The following CDH13 variants were observed in gnomAD, a reference collection of about 807,000 sequenced individuals.
CDH13 encodes the protein cadherin 13, also known as cadherin-13.
Under a neutral mutation model 63.8 loss-of-function variants are expected in CDH13, and 24 were observed. The observed-to-expected ratio is 0.38, with a 90% CI of 0.27 to 0.53. CDH13 has a LOEUF of 0.53. Among genes scored for constraint, CDH13 ranks in the 20% least tolerant of loss-of-function variants. The pLI is 0.85. For synonymous variants in CDH13, 503 were observed against 355.3 expected, an observed-to-expected ratio of 1.42 and a Z score of -4.67; for missense variants, 1,049 against 903.1, an observed-to-expected ratio of 1.16 and a Z score of -2.07.
intron 2 of CDH13, among the ~76,000 whole-genome samples, chr16:82,896,276 ATTTTTTTTTTTTTTTTTTTT>A (rs59677448): frequency 2.3e-5 from 2 of 87,872 alleles, no homozygotes; most frequent in African/African-American, 8.5e-5. Flanking sequence ...TAGGATTAGG[ATTTTTTTTTTTTTTTTTTTT>A]TTTTTTTTTT....
rs184658720 is a variant in CDH13, at chr16:83,054,659, C to G, written c.366+22441C>G. Among the ~76,000 whole-genome samples, 91 of 152,208 alleles carry G rather than the reference C, an allele frequency of 6.0e-4. No individual in the cohort carries two copies. In the East Asian group the frequency reaches 8.7e-3, roughly 14 times the overall value. On this transcript the variant is annotated intron_variant, in intron 3 of 13. Coordinates refer to ENST00000567109, the MANE Select transcript of CDH13 (RefSeq NM_001257.5). ...GTAACTAAAACTACAGAAAGCAAAA[C>G]TACAGATAAGAGGGTGACTGGTGTA...
intron 1 of CDH13, chr16:82,826,477 C>T (rs951357290): frequency 3.3e-5 from 5 of 152,038 alleles, no homozygotes; most frequent in East Asian, 3.9e-4. Context: ...AATTTTAAAT[C>T]GTGCAGTTCT....
At chr16:82,809,052 G>C (rs1270677809) in intron 1 of CDH13, among the ~76,000 whole-genome samples, 1 of 151,952 alleles carries the variant, frequency 6.6e-6, no homozygotes, top group African/African-American at 2.4e-5. Context: ...ACATATGTAT[G>C]AATACATATG....
chr16:83,334,993 A>G (rs1337767848), intron 5 of CDH13, among the ~76,000 whole-genome samples: 2 of 152,162 alleles, frequency 1.3e-5, no homozygotes, highest in African/African-American at 4.8e-5. Context: ...ACATTAATAA[A>G]CTGGGTTAGG....
At position 83,032,189 on chromosome 16, in the gene CDH13, G is replaced by T; in HGVS notation, c.337G>T (p.Gly113Trp). 6.2e-7 allele frequency: 1 copy of T among 1,613,368 alleles called. No homozygotes were observed. Among genetic ancestry groups the T allele is most frequent in the Non-Finnish European group, 8.5e-7 (1 of 1,179,536 alleles). Residue 113 changes from glycine (G) to tryptophan (W), a missense_variant, in exon 3 of 14, where the codon GGG becomes TGG. Physicochemically the swap from Gly to Trp is radical, Grantham distance 184. Transcript: ENST00000567109. ...AGATATGGCAGAACTCGTGATTGTC[G>T]GGGGGAAAGACATCCAGGGCTCCTT... is the stretch of plus-strand genomic sequence containing the variant. ...AEDMAELVIVGGKDIQGSLQD... is the reference protein window; with the variant it reads ...AEDMAELVIVWGKDIQGSLQD...
intron 2 of CDH13, among the ~76,000 whole-genome samples, chr16:83,022,073 C>A (rs1017423855): frequency 1.3e-5 from 2 of 152,054 alleles, no homozygotes; most frequent in African/African-American, 4.8e-5. Flanking sequence ...TGGACTAAGC[C>A]CTGTGAGTGC....
intron 2 of CDH13, among the ~76,000 whole-genome samples, chr16:83,025,553 C>A (rs1015428268): frequency 2.2e-4 from 33 of 152,186 alleles, no homozygotes; most frequent in African/African-American, 7.5e-4. Flanking sequence ...AAATTACCTC[C>A]CATCGGCTTC....
Position 83,528,602 on chromosome 16 carries a change from A to G in CDH13, c.960+41947A>G, listed in dbSNP as rs565879317. On this transcript the variant is annotated intron_variant, in intron 7 of 13. Coordinates refer to ENST00000567109, the MANE Select transcript of CDH13 (RefSeq NM_001257.5). ...TTCAAAAGGGATTTCTACTATAAAT[A>G]TTAGATCATCTGTCTCTAAATTCTC... Among the ~76,000 whole-genome samples the G allele has an allele frequency of 4.6e-5, 7 of 152,296 alleles. No homozygotes were observed. The East Asian group carries it at 9.7e-4, about 21-fold the overall frequency.
chr16:83,482,003 C>T (rs1292761253), intron 6 of CDH13, among the ~76,000 whole-genome samples: 1 of 152,172 alleles, frequency 6.6e-6, no homozygotes, highest in Non-Finnish European at 1.5e-5. Context: ...GGCCCACCTG[C>T]TGCATGTCAG....
At chr16:83,672,534 C>A (rs1914602344) in intron 9 of CDH13, among the ~76,000 whole-genome samples, 1 of 141,992 alleles carries the variant, frequency 7.0e-6, no homozygotes, top group Non-Finnish European at 1.5e-5. Flanking sequence ...AAGTGATTCT[C>A]CTGCCTCAGT....
intron 1 of CDH13, among the ~76,000 whole-genome samples, chr16:82,699,457 A>C (rs74641502): frequency 0.082 from 12,450 of 152,274 alleles, 676 homozygotes; most frequent in African/African-American, 0.14. Context: ...TTCAAGGGCA[A>C]AGAAGGTGAG....
intron 10 of CDH13, among the ~76,000 whole-genome samples, chr16:83,696,742 C>A (rs1480505226): frequency 3.9e-5 from 6 of 152,190 alleles, no homozygotes; most frequent in Non-Finnish European, 8.8e-5. Flanking sequence ...ACTACATAAA[C>A]TTTGTCTAAG....
intron 6 of CDH13, among the ~76,000 whole-genome samples, chr16:83,392,872 C>T (rs1379234339): frequency 5.3e-5 from 8 of 151,740 alleles, no homozygotes; most frequent in Non-Finnish European, 8.8e-5. Context: ...GGGCCTGAGC[C>T]GCCCCTGAAG....
At chr16:82,720,336 T>A (rs1373754375) in intron 1 of CDH13, among the ~76,000 whole-genome samples, 1 of 152,236 alleles carries the variant, frequency 6.6e-6, no homozygotes, top group Non-Finnish European at 1.5e-5. Context: ...TTTTTATGAT[T>A]ATTATACACA....
intron 2 of CDH13, among the ~76,000 whole-genome samples, chr16:82,999,692 A>G (rs1248073520): frequency 6.6e-6 from 1 of 152,230 alleles, no homozygotes; most frequent in African/African-American, 2.4e-5. Flanking sequence ...AACAAATGAC[A>G]TGTTTAAAAA....
intron 1 of CDH13, among the ~76,000 whole-genome samples, chr16:82,704,622 C>T (rs985076372): frequency 6.6e-6 from 1 of 152,210 alleles, no homozygotes; most frequent in Non-Finnish European, 1.5e-5. Context: ...GAGGCAGGCA[C>T]ACCTGGGGTC....
At chr16:83,134,540 G>A (rs376739351) in intron 4 of CDH13, among the ~76,000 whole-genome samples, 1 of 123,166 alleles carries the variant, frequency 8.1e-6, no homozygotes, top group Non-Finnish European at 1.7e-5. Context: ...GGGATGGGGT[G>A]GGGGGAGAGA....
intron 7 of CDH13, among the ~76,000 whole-genome samples, chr16:83,497,224 C>A (rs900738113): frequency 3.3e-5 from 5 of 151,728 alleles, no homozygotes; most frequent in African/African-American, 7.3e-5. Context: ...ATGTTTATTG[C>A]GGCACTATTC....
chr16:83,584,446 T>A (rs1880887674), intron 7 of CDH13, among the ~76,000 whole-genome samples: 1 of 152,206 alleles, frequency 6.6e-6, no homozygotes, highest in African/African-American at 2.4e-5. Context: ...ACAAGGGAAC[T>A]GTGTCAAGAG....
Sources: allele counts gnomAD v4.1 joint callset (sites outside exome capture counted in the v4.1 genomes callset), GRCh38; gene constraint gnomAD v4.1.1; transcripts MANE v1.5; gene names NCBI Gene and HGNC (gene_info 2026-07-23, HGNC 2026-07-21).